Variants in PPM1H observed in about 807,000 individuals in gnomAD.
The protein encoded by PPM1H is protein phosphatase, Mg2+/Mn2+ dependent 1H.
Under a neutral mutation model 54.9 loss-of-function variants are expected in PPM1H, and 27 were observed. The ratio of observed to expected loss-of-function variants is 0.49; its 90% confidence interval spans 0.36 to 0.68. The LOEUF (loss-of-function observed/expected upper bound fraction) is 0.68, where lower values mean the gene tolerates loss of function less well. PPM1H is among the 30% of genes least tolerant of loss of function. PPM1H has a pLI of 0.00. For missense variants in PPM1H, 596 were observed against 667.8 expected (o/e 0.89, Z 1.19); for synonymous variants, 305 against 270.8 (o/e 1.13, Z -1.24).
chr12:62,872,419 A>G (rs1349278694), intron 1 of PPM1H, among the ~76,000 whole-genome samples: 1 of 152,190 alleles, frequency 6.6e-6, no homozygotes, highest in Non-Finnish European at 1.5e-5. Context: ...CTAAAATCAC[A>G]ATGAATTTTA....
At chr12:62,671,532 A>G (rs955649239) in intron 8 of PPM1H, among the ~76,000 whole-genome samples, 26 of 152,192 alleles carry the variant, frequency 1.7e-4, no homozygotes, top group Admixed American at 7.9e-4. Context: ...AAAACTGACA[A>G]AGCCTCTCAC....
intron 6 of PPM1H, among the ~76,000 whole-genome samples, chr12:62,711,762 C>T (rs934435464): frequency 6.6e-6 from 1 of 152,140 alleles, no homozygotes; most frequent in Non-Finnish European, 1.5e-5. Flanking sequence ...AGCAGAGAGA[C>T]GTGTGTGAGT....
Position 62,683,142 on chromosome 12 carries a change from T to C in PPM1H, c.1245+6557A>G, listed in dbSNP as rs751251117. 3.3e-5 allele frequency among the ~76,000 whole-genome samples: 5 copies of C among 150,976 alleles called. No individual in the cohort carries two copies. The South Asian group carries it at 1.1e-3, about 32-fold the overall frequency. ...CCAGGTTGGTCTTGAACTCCTGGGT[T>C]CAAATGATCTTCTCGCCTTGGCCTC... On this transcript the variant is annotated intron_variant, in intron 8 of 9. Transcript: ENST00000228705.
At chr12:62,649,129 G>C (rs553625517) in intron 9 of PPM1H, among the ~76,000 whole-genome samples, 3 of 151,880 alleles carry the variant, frequency 2.0e-5, no homozygotes, top group East Asian at 1.9e-4. Context: ...TTTTAAAAAA[G>C]TGAGTTAAGG....
intron 5 of PPM1H, among the ~76,000 whole-genome samples, chr12:62,735,417 C>T (rs532343983): frequency 3.9e-5 from 6 of 152,048 alleles, no homozygotes; most frequent in African/African-American, 1.2e-4. Context: ...AGCATTTTGC[C>T]ATGTTGCCCA....
chr12:62,695,557 A>G (rs1042861380), intron 6 of PPM1H, among the ~76,000 whole-genome samples: 2 of 152,108 alleles, frequency 1.3e-5, no homozygotes, highest in African/African-American at 4.8e-5. Context: ...CCAAACTAAC[A>G]CAAAGTGGAA....
chr12:62,923,428 T>G (rs1871866537), intron 1 of PPM1H, among the ~76,000 whole-genome samples: 1 of 152,082 alleles, frequency 6.6e-6, no homozygotes, highest in Non-Finnish European at 1.5e-5. Flanking sequence ...CAAGACAAAG[T>G]CTCCCTCTTG....
At chr12:62,776,342 C>T (rs2076611207) in intron 4 of PPM1H, among the ~76,000 whole-genome samples, 1 of 152,244 alleles carries the variant, frequency 6.6e-6, no homozygotes, top group African/African-American at 2.4e-5. Flanking sequence ...CCCCTGACTA[C>T]TAAGTCCCTT....
chr12:62,830,479 T>C lies in PPM1H; in HGVS notation c.411+1635A>G, dbSNP rs192678818. ...ACTGTGTTAGCCAGGATGGTCTCGA[T>C]CTCCTGACCTCGTGATCTGCCCGCC... On this transcript the variant is annotated intron_variant, in intron 2 of 9. Coordinates refer to ENST00000228705, the MANE Select transcript of PPM1H (RefSeq NM_020700.2). Among the ~76,000 whole-genome samples, 143 of 152,256 alleles carry C rather than the reference T, an allele frequency of 9.4e-4. 1 individual carries two copies. In the East Asian group the frequency reaches 0.019, roughly 20 times the overall value.
chr12:62,780,343 C>T (rs1302711472), intron 4 of PPM1H, among the ~76,000 whole-genome samples: 1 of 152,086 alleles, frequency 6.6e-6, no homozygotes, highest in Non-Finnish European at 1.5e-5. Context: ...ACTCTGTCAC[C>T]CAGGCTAGAA....
chr12:62,882,935 C>CTCTGA (rs1258398972), intron 1 of PPM1H, among the ~76,000 whole-genome samples: 22 of 152,248 alleles, frequency 1.4e-4, no homozygotes, highest in African/African-American at 5.3e-4. Context: ...TCCCCAGCCC[C>CTCTGA]ATCTGTTTAG....
At chr12:62,840,944 G>T (rs1403373314) in intron 1 of PPM1H, among the ~76,000 whole-genome samples, 2 of 151,984 alleles carry the variant, frequency 1.3e-5, no homozygotes, top group Non-Finnish European at 2.9e-5. Flanking sequence ...GTGACAAAGA[G>T]GTTGTGAACC....
chr12:62,780,328 G>T (rs1439849795), intron 4 of PPM1H, among the ~76,000 whole-genome samples: 2 of 152,022 alleles, frequency 1.3e-5, no homozygotes, highest in African/African-American at 2.4e-5. Context: ...TGGTGACAGG[G>T]TCTCACTCTG....
intron 8 of PPM1H, among the ~76,000 whole-genome samples, chr12:62,687,444 T>G (rs2076059327): frequency 6.6e-6 from 1 of 152,126 alleles, no homozygotes; most frequent in Non-Finnish European, 1.5e-5. Context: ...TTTTACTTTT[T>G]GTAAGAACAA....
chr12:62,739,440 C>G (rs7295577), intron 4 of PPM1H, among the ~76,000 whole-genome samples: 16,903 of 152,170 alleles, frequency 0.11, 1,000 homozygotes, highest in East Asian at 0.22. Context: ...CCTAATCTTA[C>G]AGGATCTAGA....
At chr12:62,915,675 T>C (rs966238586) in intron 1 of PPM1H, among the ~76,000 whole-genome samples, 1 of 152,122 alleles carries the variant, frequency 6.6e-6, no homozygotes, top group African/African-American at 2.4e-5. Flanking sequence ...TCAGACATGA[T>C]TGAAGGGAAT....
rs566123900 is a variant in PPM1H, at chr12:62,764,935, G to A, written c.869+23291C>T. 5.9e-5 allele frequency among the ~76,000 whole-genome samples: 9 copies of A among 152,364 alleles called. No individual in the cohort carries two copies. The South Asian group carries it at 6.2e-4, about 11-fold the overall frequency. The stretch of plus-strand genomic sequence containing the variant: ...TGTGAGGAGCTGGACAAAGCCATGC[G>A]TGCCGCTTAGTTAGGAAGAGGACAG... On this transcript the variant is annotated intron_variant, in intron 4 of 9. Transcript: ENST00000228705.
intron 9 of PPM1H, among the ~76,000 whole-genome samples, chr12:62,655,796 C>T (rs10747969): frequency 0.62 from 94,717 of 152,044 alleles, 29,757 homozygotes; most frequent in Middle Eastern, 0.75. Flanking sequence ...TAGACAACTG[C>T]GGAGGAGTTT....
intron 1 of PPM1H, among the ~76,000 whole-genome samples, chr12:62,919,676 A>G (rs1348031526): frequency 6.6e-6 from 1 of 152,194 alleles, no homozygotes; most frequent in East Asian, 1.9e-4. Context: ...ATGAAATAAT[A>G]AAAGGGCTCA....
Sources: allele counts gnomAD v4.1 joint callset (sites outside exome capture counted in the v4.1 genomes callset), GRCh38; gene constraint gnomAD v4.1.1; transcripts MANE v1.5; gene names NCBI Gene and HGNC (gene_info 2026-07-23, HGNC 2026-07-21).